Variants in CSGALNACT1 observed in about 807,000 individuals in gnomAD.
CSGALNACT1 encodes the protein chondroitin sulfate N-acetylgalactosaminyltransferase 1.
In CSGALNACT1, 52 loss-of-function variants were observed where a neutral mutation model predicts 51.0. The ratio of observed to expected loss-of-function variants is 1.02; its 90% confidence interval spans 0.82 to 1.29. The LOEUF is 1.29. Among genes scored for constraint, CSGALNACT1 ranks in the 50% most tolerant of loss-of-function variants. CSGALNACT1 has a pLI of 0.00. For synonymous variants in CSGALNACT1, 341 were observed against 254.4 expected (o/e 1.34, Z -3.24); for missense variants, 935 against 679.2 (o/e 1.38, Z -4.19).
At chr8:19,409,627 A>G (rs2055216031) in intron 8 of CSGALNACT1, among the ~76,000 whole-genome samples, 2 of 152,208 alleles carry the variant, frequency 1.3e-5, no homozygotes, top group African/African-American at 4.8e-5. Flanking sequence ...TGCAGTTAAC[A>G]TAGGTGCTTA....
At chr8:19,524,491 A>G (rs769937356) in intron 3 of CSGALNACT1, among the ~76,000 whole-genome samples, 5 of 151,972 alleles carry the variant, frequency 3.3e-5, no homozygotes, top group Non-Finnish European at 7.4e-5. Flanking sequence ...CCCTTTACAT[A>G]TTTCCCAGGG....
chr8:19,459,570 A>T (rs77034830), intron 4 of CSGALNACT1, among the ~76,000 whole-genome samples: 17,877 of 151,972 alleles, frequency 0.12, 1,255 homozygotes, highest in Middle Eastern at 0.2. Flanking sequence ...TCAATACATG[A>T]TATTTAGTTT....
chr8:19,425,213 C>T (rs1043189397), intron 6 of CSGALNACT1, among the ~76,000 whole-genome samples: 19 of 152,204 alleles, frequency 1.2e-4, no homozygotes, highest in African/African-American at 3.6e-4. Context: ...GTGGTGGTGG[C>T]GCCTGTAGTC....
chr8:19,664,463 G>A (rs570806781), intron 1 of CSGALNACT1, among the ~76,000 whole-genome samples: 3 of 152,236 alleles, frequency 2.0e-5, no homozygotes, highest in East Asian at 1.9e-4. Flanking sequence ...ACTACCATTT[G>A]AACCAGCAAT....
At chr8:19,753,386 C>T (rs186369669) in intron 1 of CSGALNACT1, among the ~76,000 whole-genome samples, 1 of 152,242 alleles carries the variant, frequency 6.6e-6, no homozygotes, top group East Asian at 1.9e-4. Flanking sequence ...ACCGTAAAAT[C>T]CTGCCATGTA....
intron 1 of CSGALNACT1, among the ~76,000 whole-genome samples, chr8:19,645,817 T>C (rs1292320803): frequency 6.6e-6 from 1 of 152,050 alleles, no homozygotes; most frequent in Non-Finnish European, 1.5e-5. Flanking sequence ...GGCCCTGACA[T>C]TACCCACTGG....
At chr8:19,595,868 T>A (rs1219069137) in intron 2 of CSGALNACT1, among the ~76,000 whole-genome samples, 3 of 148,800 alleles carry the variant, frequency 2.0e-5, no homozygotes, top group Admixed American at 6.7e-5. Context: ...TGTATTTTTT[T>A]TTTTTTTTTT....
intron 1 of CSGALNACT1, among the ~76,000 whole-genome samples, chr8:19,640,159 G>C (rs926335828): frequency 1.3e-5 from 2 of 152,140 alleles, no homozygotes; most frequent in African/African-American, 4.8e-5. Flanking sequence ...TGATACTGTA[G>C]TGAGCAAATA....
intron 1 of CSGALNACT1, among the ~76,000 whole-genome samples, chr8:19,680,969 T>C (rs1255052049): frequency 6.6e-6 from 1 of 152,098 alleles, no homozygotes; most frequent in East Asian, 1.9e-4. Context: ...CCCTTGTTGA[T>C]GAAAACTGCG....
At chr8:19,513,205 C>A (rs1253515193) in intron 3 of CSGALNACT1, among the ~76,000 whole-genome samples, 1 of 151,926 alleles carries the variant, frequency 6.6e-6, no homozygotes, top group African/African-American at 2.4e-5. Flanking sequence ...ATGCACTAGA[C>A]ACTGAATATT....
At chr8:19,462,285 C>T (rs1205962905) in intron 4 of CSGALNACT1, among the ~76,000 whole-genome samples, 1 of 152,142 alleles carries the variant, frequency 6.6e-6, no homozygotes, top group Non-Finnish European at 1.5e-5. Flanking sequence ...CAGTCATAAA[C>T]ACAGAAAATG....
chr8:19,551,971 T>C (rs540036517), intron 3 of CSGALNACT1, among the ~76,000 whole-genome samples: 1 of 152,298 alleles, frequency 6.6e-6, no homozygotes, highest in Non-Finnish European at 1.5e-5. Context: ...CTCTCTAAAA[T>C]AGGGTATCAT....
At chr8:19,754,230 G>C (rs1389120668) in intron 1 of CSGALNACT1, among the ~76,000 whole-genome samples, 2 of 152,052 alleles carry the variant, frequency 1.3e-5, no homozygotes, top group African/African-American at 2.4e-5. Flanking sequence ...GTTTCGCCCT[G>C]TTGGCCAGGC....
chr8:19,411,353 A>AT (rs1352678701), intron 8 of CSGALNACT1, among the ~76,000 whole-genome samples: 1 of 152,196 alleles, frequency 6.6e-6, no homozygotes, highest in Non-Finnish European at 1.5e-5. Flanking sequence ...GCCCTGGTGA[A>AT]TGTAAGCTCA....
At chr8:19,438,641 G>C (rs944741180) in intron 6 of CSGALNACT1, among the ~76,000 whole-genome samples, 1 of 152,176 alleles carries the variant, frequency 6.6e-6, no homozygotes, top group African/African-American at 2.4e-5. Flanking sequence ...CACAGTCTTT[G>C]TGGTGACTAC....
At chr8:19,475,022 G>T (rs147193239) in intron 4 of CSGALNACT1, among the ~76,000 whole-genome samples, 2 of 152,128 alleles carry the variant, frequency 1.3e-5, no homozygotes, top group African/African-American at 4.8e-5. Flanking sequence ...TAACACCGTG[G>T]TCAGGGCCAG....
Position 19,420,439 on chromosome 8 carries a change from G to A in CSGALNACT1, c.1033C>T (p.Arg345Cys), listed in dbSNP as rs1006827614. ...AGGACGTTGCTTCCCTTCCAGAAGC[G>A]GGCTCCAACATCAAGTCCCTTTCCC... Residue 345 changes from arginine to cysteine, a missense_variant, in exon 7 of 10, where the codon CGC becomes TGC. By Grantham distance (180) the Arg-to-Cys change is radical (BLOSUM62 -3). Transcript: ENST00000454498. The A allele has an allele frequency of 1.1e-5, 17 of 1,613,970 alleles. No individual in the cohort carries two copies. The highest frequency in any genetic ancestry group is 6.7e-5 in the African/African-American group (5 of 74,892).
At chr8:19,633,892 G>A (rs1394852358) in intron 1 of CSGALNACT1, among the ~76,000 whole-genome samples, 1 of 152,178 alleles carries the variant, frequency 6.6e-6, no homozygotes, top group East Asian at 1.9e-4. Context: ...AAGCTCTTCT[G>A]AGACTGGGGC....
At chr8:19,669,513 A>AC (rs1256551293) in intron 1 of CSGALNACT1, among the ~76,000 whole-genome samples, 1 of 152,182 alleles carries the variant, frequency 6.6e-6, no homozygotes, top group Non-Finnish European at 1.5e-5. Context: ...GTGCAGTGGC[A>AC]CGACCTTCCT....
Sources: allele counts gnomAD v4.1 joint callset (sites outside exome capture counted in the v4.1 genomes callset), GRCh38; gene constraint gnomAD v4.1.1; transcripts MANE v1.5; gene names NCBI Gene and HGNC (gene_info 2026-07-23, HGNC 2026-07-21).